The following DBNL variants were observed in gnomAD, a reference collection of about 807,000 sequenced individuals.
DBNL encodes drebrin like.
In DBNL, 35 loss-of-function variants were observed where a neutral mutation model predicts 62.2. The ratio of observed to expected loss-of-function variants is 0.56; its 90% CI spans 0.43 to 0.75. The LOEUF (loss-of-function observed/expected upper bound fraction) is 0.75, where lower values mean the gene tolerates loss of function less well. Among genes scored for constraint, DBNL ranks in the 30% least tolerant of loss-of-function variants. The pLI, the probability that DBNL is intolerant of heterozygous loss-of-function variation, is 0.00. For synonymous variants in DBNL, 197 were observed against 218.0 expected (o/e 0.90, Z 0.85); for missense variants, 495 against 578.4 (o/e 0.86, Z 1.48).
chr7:44,052,494 C>CTTGT (rs2096128313), intron 3 of DBNL, among the ~76,000 whole-genome samples: 6 of 151,774 alleles, frequency 4.0e-5, no homozygotes, highest in Non-Finnish European at 7.4e-5. Context: ...CCTGTAGTCC[C>CTTGT]AGCTACTCAG....
chr7:44,065,295 G>T lies in DBNL; in HGVS notation c.*4379G>T. On this transcript the variant is annotated 3_prime_UTR_variant, in exon 13 of 13. Coordinates refer to ENST00000448521, the MANE Select transcript of DBNL (RefSeq NM_001014436.3). ...AGGCGCCAAGTGCGCACCACAGGCA[G>T]CCACATCTGGTCCGTGCCGTCCAGG... is the stretch of plus-strand genomic sequence containing the variant. The T allele has an allele frequency of 6.2e-7, 1 of 1,613,628 alleles. No individual in the cohort carries two copies.
Position 44,062,767 on chromosome 7 carries a change from C to T in DBNL, c.*1851C>T, listed in dbSNP as rs1345595583. 4 of 1,614,194 alleles carry T rather than the reference C, an allele frequency of 2.5e-6. No individual in the cohort carries two copies. Among genetic ancestry groups the T allele is most frequent in the Non-Finnish European group, 2.5e-6 (3 of 1,180,032 alleles). On this transcript the variant is annotated 3_prime_UTR_variant, in exon 13 of 13. Coordinates refer to ENST00000448521, the MANE Select transcript of DBNL (RefSeq NM_001014436.3). The stretch of plus-strand genomic sequence containing the variant: ...CTTTATTGCCCAAGCCCACCCCTCA[C>T]TTGGCCTTGCCCTGGGCAGCCACAG...
intron 7 of DBNL, 56 bp downstream of exon 7, chr7:44,058,336 C>T: frequency 6.3e-7 from 1 of 1,597,646 alleles, no homozygotes; most frequent in Non-Finnish European, 8.5e-7. Context: ...TTGCTGGGCA[C>T]CTGCTCCATC....
chr7:44,057,992 G>C, intron 6 of DBNL, 133 bp downstream of exon 6: 2 of 1,524,650 alleles, frequency 1.3e-6, no homozygotes, highest in Non-Finnish European at 1.8e-6. Context: ...CTGAGGCTCG[G>C]GTAAGTTAAG....
At chr7:44,058,034 C>T in intron 6 of DBNL, 95 bp from the exon 7 acceptor site, 1 of 1,521,714 alleles carries the variant, frequency 6.6e-7, no homozygotes, top group African/African-American at 1.4e-5. Context: ...GGCTCTGGTG[C>T]CCGTCTTTGG....
chr7:44,065,946 A>C lies in DBNL; in HGVS notation c.*5030A>C, dbSNP rs563563973. The C allele has an allele frequency of 6.3e-6, 2 of 317,070 alleles. No homozygotes were observed. The highest frequency in any genetic ancestry group is 8.5e-5 in the Admixed American group (2 of 23,626). 19.6% of individuals were successfully genotyped at this position (317,070 alleles called of 1,614,324 possible). On this transcript the variant is annotated 3_prime_UTR_variant, in exon 13 of 13. Coordinates refer to ENST00000448521, the MANE Select transcript of DBNL (RefSeq NM_001014436.3). ...CATTCTCTGCTCAGACAGAGGCACA[A>C]ACAAAATCCCAACCCCTTTCTCCTG...
At chr7:44,057,645 C>A in intron 5 of DBNL, 137 bp from the exon 6 acceptor site, 2 of 837,088 alleles carry the variant, frequency 2.4e-6, no homozygotes, top group Non-Finnish European at 3.8e-6. Context: ...CTGGGCAGTG[C>A]TCTGCTGCCT....
chr7:44,057,747 G>C (rs200214289), intron 5 of DBNL, 35 bp from the exon 6 acceptor site: 4 of 1,612,622 alleles, frequency 2.5e-6, no homozygotes, highest in African/African-American at 2.7e-5. Context: ...CCTTCCACCT[G>C]GGTCCAGGTC....
intron 4 of DBNL, among the ~76,000 whole-genome samples, chr7:44,053,822 A>C (rs570985309): frequency 1.3e-5 from 2 of 151,712 alleles, no homozygotes; most frequent in African/African-American, 2.4e-5. Flanking sequence ...GACTGCAGGC[A>C]CCCGCCACCA....
chr7:44,046,320 A>G (rs1367010049), intron 1 of DBNL, among the ~76,000 whole-genome samples: 1 of 152,172 alleles, frequency 6.6e-6, no homozygotes, highest in African/African-American at 2.4e-5. Flanking sequence ...GGCACTCCTC[A>G]TCTATCTCCC....
rs2096113835 is a variant in DBNL at position 44,044,834 on chromosome 7, C to T, written c.83+14C>T. On this transcript the variant is annotated intron_variant, in intron 1 of 12. Coordinates refer to ENST00000448521, the MANE Select transcript of DBNL (RefSeq NM_001014436.3). ...CCCGACCGACTGGTGGGCGGCGAGA[C>T]GGGCCAGGGTCGGGCCAGGGGCTGC... 1 of 1,449,916 alleles carries T rather than the reference C, an allele frequency of 6.9e-7. No homozygotes were observed. The allele number at this position is 1,449,916 out of a possible 1,614,324, so 89.8% of individuals were successfully genotyped here.
Position 44,059,267 on chromosome 7 carries a change from G to A in DBNL, c.836-87G>A. 5.1e-6 allele frequency: 7 copies of A among 1,370,682 alleles called. No homozygotes were observed. Among genetic ancestry groups the A allele is most frequent in the Non-Finnish European group, 7.1e-6 (7 of 985,834 alleles). 84.9% of individuals were successfully genotyped at this position (1,370,682 alleles called of 1,614,324 possible). ...AGAGCAAGCCCCATGAGACTGCCTCGAGCACACCAGGGTGGAGGGTGCTGT... is the reference window on the plus strand; with the variant it reads ...AGAGCAAGCCCCATGAGACTGCCTCAAGCACACCAGGGTGGAGGGTGCTGT... On this transcript the variant is annotated intron_variant, in intron 9 of 12. Coordinates refer to ENST00000448521, the MANE Select transcript of DBNL (RefSeq NM_001014436.3). The surrounding 1 kb of genome is among the most constrained non-coding windows in gnomAD (Gnocchi z 4.1).
chr7:44,064,793 G>GGCCCCCCCCCCCAGCCC lies in DBNL; in HGVS notation c.*3877_*3878insGCCCCCCCCCCCAGCCC. 8.8e-7 allele frequency: 1 copy of GGCCCCCCCCCCCAGCCC among 1,136,982 alleles called. No homozygotes were observed. The highest frequency in any genetic ancestry group is 1.3e-6 in the Non-Finnish European group (1 of 773,400). The allele number at this position is 1,136,982 out of a possible 1,614,324, so 70.4% of individuals were successfully genotyped here. A position where few individuals can be genotyped will look rare whatever the true frequency, so the allele number is the denominator to read the frequency against. On this transcript the variant is annotated 3_prime_UTR_variant, in exon 13 of 13. Coordinates refer to ENST00000448521, the MANE Select transcript of DBNL (RefSeq NM_001014436.3). ...AGATGAGAAGCCAGCTGGGGCTGCT[G>GGCCCCCCCCCCCAGCCC]CCCACCCACCCTGCCCAGGCTCCTG...
In DBNL at chr7:44,062,873, TACACA is replaced by T; in HGVS notation, c.*1959_*1963del. 1 of 1,614,218 alleles carries T rather than the reference TACACA, an allele frequency of 6.2e-7. No individual in the cohort carries two copies. The highest frequency in any genetic ancestry group is 1.1e-5 in the South Asian group (1 of 91,088). ...GGGCTTCAGCTCCTTGTTCAGCTCATACACAATGGGGATCCCCGTGGGCAGGTTCA... is the reference window on the plus strand; with the variant it reads ...GGGCTTCAGCTCCTTGTTCAGCTCATATGGGGATCCCCGTGGGCAGGTTCA... On this transcript the variant is annotated 3_prime_UTR_variant, in exon 13 of 13. Coordinates refer to ENST00000448521, the MANE Select transcript of DBNL (RefSeq NM_001014436.3).
intron 2 of DBNL, 24 bp downstream of exon 2, chr7:44,050,304 C>T (rs749667741): frequency 3.7e-6 from 6 of 1,612,982 alleles, no homozygotes; most frequent in African/African-American, 1.3e-5. Flanking sequence ...CAAATGGACT[C>T]AGGGACACCA....
chr7:44,061,784 G>A lies in DBNL; in HGVS notation c.*868G>A, dbSNP rs2096149747. 1 of 152,342 alleles carries A rather than the reference G, an allele frequency of 6.6e-6. No individual in the cohort carries two copies. The highest frequency in any genetic ancestry group is 2.4e-5 in the African/African-American group (1 of 41,426). 9.4% of individuals were successfully genotyped at this position (152,342 alleles called of 1,614,324 possible). A position where few individuals can be genotyped will look rare whatever the true frequency, so the allele number is the denominator to read the frequency against. On this transcript the variant is annotated 3_prime_UTR_variant, in exon 13 of 13. Coordinates refer to ENST00000448521, the MANE Select transcript of DBNL (RefSeq NM_001014436.3). ...TGCTGTAGCCTGAATGCTCCCATGTGGGAATAGCACCCCACCACCTGCCCA... is the reference window on the plus strand; with the variant it reads ...TGCTGTAGCCTGAATGCTCCCATGTAGGAATAGCACCCCACCACCTGCCCA...
rs904486895 is a variant in DBNL at position 44,063,796 on chromosome 7, G to A, written c.*2880G>A. The A allele has an allele frequency of 6.6e-6, 1 of 152,392 alleles. No individual in the cohort carries two copies. The highest frequency in any genetic ancestry group is 1.5e-5 in the Non-Finnish European group (1 of 68,186). 9.4% of individuals were successfully genotyped at this position (152,392 alleles called of 1,614,324 possible). A position where few individuals can be genotyped will look rare whatever the true frequency, so the allele number is the denominator to read the frequency against. On this transcript the variant is annotated 3_prime_UTR_variant, in exon 13 of 13. Transcript: ENST00000448521. Reference sequence around the variant, plus strand: ...GAGGGTTTAAGAAAATGTTCTCTGGGGAGTCAGAGTGAAATCCCTCATATT... The same window carrying A: ...GAGGGTTTAAGAAAATGTTCTCTGGAGAGTCAGAGTGAAATCCCTCATATT...
chr7:44,051,707 T>A, intron 2 of DBNL, 123 bp from the exon 3 acceptor site: 1 of 787,356 alleles, frequency 1.3e-6, no homozygotes, highest in Non-Finnish European at 2.0e-6. Context: ...CCTAGAAAGA[T>A]TCTGATACAG....
intron 1 of DBNL, 26 bp downstream of exon 1, chr7:44,044,846 G>A: frequency 7.0e-7 from 1 of 1,427,098 alleles, no homozygotes; most frequent in Non-Finnish European, 9.2e-7. Context: ...GGCCAGGGTC[G>A]GGCCAGGGGC....
Sources: gnomAD v4.1 joint callset for allele counts (sites outside exome capture counted in the v4.1 genomes callset) on GRCh38, gnomAD v4.1.1 for gene constraint, Gnocchi (gnomAD v3.1) non-coding constraint, MANE v1.5 for transcripts, NCBI Gene and HGNC (gene_info 2026-07-23, HGNC 2026-07-21) for gene names.